The following PCDH15 variants were observed in gnomAD, a reference collection of about 807,000 sequenced individuals.
PCDH15 encodes the protein protocadherin-15.
Under a neutral mutation model 178.5 loss-of-function variants are expected in PCDH15, and 129 were observed. The ratio of observed to expected loss-of-function variants is 0.72; its 90% CI spans 0.63 to 0.84. The LOEUF is 0.84. Among genes scored for constraint, PCDH15 ranks in the 40% least tolerant of loss-of-function variants. The probability of loss-of-function intolerance (pLI) is 0.00; values close to 1 mark genes in which losing one functional copy is unlikely to be tolerated. For missense variants in PCDH15, 2,230 were observed against 2,099.9 expected (o/e 1.06, Z -1.21); for synonymous variants, 800 against 732.0 (o/e 1.09, Z -1.50).
intron 2 of PCDH15, among the ~76,000 whole-genome samples, chr10:55,117,153 G>C (rs188234504): frequency 2.0e-5 from 3 of 152,204 alleles, no homozygotes; most frequent in African/African-American, 7.2e-5. Flanking sequence ...CTTGTTAATC[G>C]ATCTTTTGTC....
intron 3 of PCDH15, among the ~76,000 whole-genome samples, chr10:54,433,125 T>G (rs1957147637): frequency 6.6e-6 from 1 of 152,106 alleles, no homozygotes; most frequent in African/African-American, 2.4e-5. Context: ...TGGGTGGGAA[T>G]GTAAATTAGT....
At chr10:54,104,628 G>A (rs1442783714) in intron 15 of PCDH15, among the ~76,000 whole-genome samples, 1 of 151,844 alleles carries the variant, frequency 6.6e-6, no homozygotes, top group Non-Finnish European at 1.5e-5. Context: ...ACGAGGTCAG[G>A]AGATCGAGAC....
At chr10:55,347,886 T>TATTTGATTCTC (rs767304640) in intron 2 of PCDH15, among the ~76,000 whole-genome samples, 2 of 152,098 alleles carry the variant, frequency 1.3e-5, no homozygotes, top group Non-Finnish European at 2.9e-5. Context: ...TTTTTATTTT[T>TATTTGATTCTC]ATTTGATTCT....
At chr10:55,598,941 A>C (rs537270476) in intron 2 of PCDH15, among the ~76,000 whole-genome samples, 10 of 152,262 alleles carry the variant, frequency 6.6e-5, no homozygotes, top group African/African-American at 2.4e-4. Context: ...GCTTTGAGCC[A>C]GCTCCAGCTC....
At chr10:54,759,928 C>A (rs1384766513) in intron 1 of PCDH15, among the ~76,000 whole-genome samples, 1 of 152,114 alleles carries the variant, frequency 6.6e-6, no homozygotes, top group Non-Finnish European at 1.5e-5. Flanking sequence ...TGAATTAGTG[C>A]CTTCTCCTGT....
chr10:55,200,951 C>T (rs1840229467), intron 1 of PCDH15, among the ~76,000 whole-genome samples: 1 of 152,084 alleles, frequency 6.6e-6, no homozygotes, highest in African/African-American at 2.4e-5. Context: ...CTCTTTTCTT[C>T]ATAAATCACC....
At chr10:54,273,204 A>T (rs2132529775) in intron 8 of PCDH15, among the ~76,000 whole-genome samples, 1 of 152,270 alleles carries the variant, frequency 6.6e-6, no homozygotes, top group East Asian at 1.9e-4. Flanking sequence ...ATAAAAATAG[A>T]AGTTATACTT....
chr10:54,815,889 G>C (rs1003165369), intron 3 of PCDH15, among the ~76,000 whole-genome samples: 50 of 151,764 alleles, frequency 3.3e-4, no homozygotes, highest in African/African-American at 1.2e-3. Context: ...CTTTTCTCTA[G>C]CTTGCTTTAT....
chr10:54,031,497 T>C (rs1237258324), intron 18 of PCDH15, among the ~76,000 whole-genome samples: 1 of 151,326 alleles, frequency 6.6e-6, no homozygotes, highest in African/African-American at 2.4e-5. Context: ...TTTTGTGGAG[T>C]GTACAATGTA....
intron 1 of PCDH15, among the ~76,000 whole-genome samples, chr10:54,715,877 C>T (rs2095474278): frequency 1.3e-5 from 2 of 152,118 alleles, no homozygotes; most frequent in African/African-American, 4.8e-5. Flanking sequence ...ATTCTCTTGG[C>T]TTAGGAATCT....
intron 21 of PCDH15, among the ~76,000 whole-genome samples, chr10:53,972,591 A>C (rs2089819025): frequency 6.6e-6 from 1 of 152,244 alleles, no homozygotes. Flanking sequence ...ACAGATTTAC[A>C]AGAAAAAATC....
intron 29 of PCDH15, among the ~76,000 whole-genome samples, chr10:53,834,316 A>T (rs1466302807): frequency 6.6e-6 from 1 of 150,942 alleles, no homozygotes; most frequent in African/African-American, 2.4e-5. Context: ...TCTACTAAAA[A>T]TGTTAAACTG....
intron 2 of PCDH15, among the ~76,000 whole-genome samples, chr10:54,970,918 G>T (rs1838915556): frequency 6.6e-6 from 1 of 152,116 alleles, no homozygotes; most frequent in East Asian, 1.9e-4. Flanking sequence ...TCATATGTTT[G>T]TTCCACCATT....
chr10:54,086,343 C>A (rs2094516868), intron 16 of PCDH15, among the ~76,000 whole-genome samples: 2 of 152,132 alleles, frequency 1.3e-5, no homozygotes, highest in African/African-American at 4.8e-5. Flanking sequence ...CCTCTGGTAA[C>A]AAGCCATTCA....
chr10:55,572,181 A>G (rs1449033297), intron 2 of PCDH15, among the ~76,000 whole-genome samples: 1 of 151,982 alleles, frequency 6.6e-6, no homozygotes, highest in African/African-American at 2.4e-5. Context: ...AGTAATGTTT[A>G]GAGAAGTTTT....
chr10:55,380,056 T>C (rs1379210357), intron 2 of PCDH15, among the ~76,000 whole-genome samples: 2 of 152,048 alleles, frequency 1.3e-5, no homozygotes, highest in African/African-American at 4.8e-5. Context: ...GTCAGGTCAA[T>C]TACAAACTAT....
At chr10:54,849,214 AATT>A (rs1953567592) in intron 3 of PCDH15, among the ~76,000 whole-genome samples, 2 of 152,116 alleles carry the variant, frequency 1.3e-5, no homozygotes, top group African/African-American at 2.4e-5. Flanking sequence ...ACGCTTTCTG[AATT>A]TCAGCCCATT....
chr10:55,056,240 A>G (rs374953472), intron 2 of PCDH15, among the ~76,000 whole-genome samples: 2 of 152,310 alleles, frequency 1.3e-5, no homozygotes, highest in African/African-American at 4.8e-5. Flanking sequence ...ACCATTAAAC[A>G]TTAAAGCCAA....
intron 14 of PCDH15, among the ~76,000 whole-genome samples, chr10:54,145,443 A>C (rs1057305892): frequency 6.6e-6 from 1 of 152,042 alleles, no homozygotes; most frequent in African/African-American, 2.4e-5. Flanking sequence ...TTCTACCAAT[A>C]TTGTGCTAGA....
Sources: allele counts gnomAD v4.1 joint callset (sites outside exome capture counted in the v4.1 genomes callset), GRCh38; gene constraint gnomAD v4.1.1; transcripts MANE v1.5; gene names NCBI Gene and HGNC (gene_info 2026-07-23, HGNC 2026-07-21).